The following PIGO variants were observed in gnomAD, a reference collection of about 807,000 sequenced individuals.
PIGO encodes GPI ethanolamine phosphate transferase 3, catalytic subunit.
Under a neutral mutation model 86.9 loss-of-function variants are expected in PIGO, and 66 were observed. The ratio of observed to expected loss-of-function variants is 0.76; its 90% CI spans 0.62 to 0.93. The LOEUF (loss-of-function observed/expected upper bound fraction) is 0.93. Among genes scored for constraint, PIGO ranks in the 40% least tolerant of loss-of-function variants. The probability of loss-of-function intolerance (pLI) is 0.00; values close to 1 mark genes in which losing one functional copy is unlikely to be tolerated. For synonymous variants in PIGO, 570 were observed against 556.4 expected, an observed-to-expected ratio of 1.02 and a Z score of -0.34; for missense variants, 1,202 against 1,359.1, an observed-to-expected ratio of 0.88 and a Z score of 1.82.
chr9:35,093,425 G>GA lies in PIGO; in HGVS notation c.934_935insT (p.Pro312LeufsTer11). On this transcript the variant is annotated frameshift_variant, in exon 5 of 11. Transcript: ENST00000378617. LOFTEE classifies it high-confidence loss of function. Reference sequence around the variant, plus strand: ...GAGGAACATCCCAGGCCTCACCTCTGGTGGGGTGCTGGGGAAGACTGCTGT... The same window carrying GA: ...GAGGAACATCCCAGGCCTCACCTCTGAGTGGGGTGCTGGGGAAGACTGCTGT... 1 of 1,614,128 alleles carries GA rather than the reference G, an allele frequency of 6.2e-7. No homozygotes were observed. Among genetic ancestry groups the GA allele is most frequent in the Non-Finnish European group, 8.5e-7 (1 of 1,180,014 alleles).
Position 35,091,895 on chromosome 9 carries a change from TCGA to T in PIGO, c.1989_1991del (p.Arg664del). ...AAGCTCCATACCACAAATTCTTGGC[TCGA>T]CCACCCACCATGGATGCCAGAGGAC... On this transcript the variant is annotated inframe_deletion, in exon 7 of 11. Transcript: ENST00000378617. The T allele has an allele frequency of 6.2e-7, 1 of 1,614,144 alleles. No homozygotes were observed. The highest frequency in any genetic ancestry group is 1.1e-5 in the South Asian group (1 of 91,088).
Position 35,088,963 on chromosome 9 carries a change from C to T in PIGO, c.*129G>A, listed in dbSNP as rs144078170. On this transcript the variant is annotated 3_prime_UTR_variant, in exon 11 of 11. Coordinates refer to ENST00000378617, the MANE Select transcript of PIGO (RefSeq NM_032634.4). Reference sequence around the variant, plus strand: ...AGAATAATGAAGTCCTAGATGTCAGCGGCCCCTGGCTGCATGATAGTAAGA... The same window carrying T: ...AGAATAATGAAGTCCTAGATGTCAGTGGCCCCTGGCTGCATGATAGTAAGA... The T allele has an allele frequency of 9.7e-5, 123 of 1,274,544 alleles. 3 individuals carry two copies. The East Asian group carries it at 1.7e-3, about 17-fold the overall frequency. 79.0% of individuals were successfully genotyped at this position (1,274,544 alleles called of 1,614,324 possible).
Position 35,091,475 on chromosome 9 carries a change from C to T in PIGO, c.2412G>A (p.Met804Ile). Residue 804 changes from methionine to isoleucine, a missense_variant, in exon 7 of 11, where the codon ATG becomes ATA. By Grantham distance (10) the Met-to-Ile change is conservative (BLOSUM62 1). Transcript: ENST00000378617. ...CTAACCGGCCCCGGAACTCCTCCTG[C>T]ATGTGTCGGTAGATTTGAGGGACCA... ...DYVVPQIYRHMQEEFRGRLER... is the reference protein window; with the variant it reads ...DYVVPQIYRHIQEEFRGRLER... The T allele has an allele frequency of 6.2e-7, 1 of 1,614,216 alleles. No homozygotes were observed. Among genetic ancestry groups the T allele is most frequent in the Non-Finnish European group, 8.5e-7 (1 of 1,180,032 alleles).
chr9:35,096,034 G>C (rs963276819), intron 1 of PIGO, 121 bp downstream of exon 1: 2 of 158,906 alleles, frequency 1.3e-5, no homozygotes, highest in African/African-American at 2.4e-5. Context: ...TACTGAATCA[G>C]GATCTTCGAG....
rs1389827121 is a variant in PIGO, at chr9:35,089,467, G to A, written c.3070-17C>T. On this transcript the variant is annotated splice_polypyrimidine_tract_variant and intron_variant, in intron 9 of 10. Coordinates refer to ENST00000378617, the MANE Select transcript of PIGO (RefSeq NM_032634.4). Reference sequence around the variant, plus strand: ...GGCCAGAATCTAGAGGAGGAGAGGAGGGGCCACGTTACTTGTGAAGGAGAG... The same window carrying A: ...GGCCAGAATCTAGAGGAGGAGAGGAAGGGCCACGTTACTTGTGAAGGAGAG... The A allele has an allele frequency of 6.2e-7, 1 of 1,614,008 alleles. No homozygotes were observed. The highest frequency in any genetic ancestry group is 1.3e-5 in the African/African-American group (1 of 74,940).
chr9:35,093,878 C>T (rs1472546318), intron 4 of PIGO, 23 bp downstream of exon 4: 2 of 1,611,474 alleles, frequency 1.2e-6, no homozygotes, highest in East Asian at 2.2e-5. Flanking sequence ...AACCCACTCC[C>T]CCAGCCAATA....
At chr9:35,089,914 A>T (rs1829334886) in intron 9 of PIGO, 152 bp downstream of exon 9, 3 of 1,436,628 alleles carry the variant, frequency 2.1e-6, no homozygotes, top group Non-Finnish European at 2.8e-6. Flanking sequence ...TTCAAGTCTC[A>T]GAACTGCCAT....
At position 35,093,073 on chromosome 9, in the gene PIGO, G is replaced by C; in HGVS notation, c.1076C>G (p.Ser359Cys). 1 of 1,614,022 alleles carries C rather than the reference G, an allele frequency of 6.2e-7. No individual in the cohort carries two copies. Among genetic ancestry groups the C allele is most frequent in the Non-Finnish European group, 8.5e-7 (1 of 1,179,862 alleles). ...SGGEDSQPHS[S>C]ALAQASALHL... is the part of the protein sequence containing the mutation. ...GAGAGCTGAGGCTTGGGCTAAAGCAGAGGAGTGGGGCTGGGAGTCCTCACC... is the reference window on the plus strand; with the variant it reads ...GAGAGCTGAGGCTTGGGCTAAAGCACAGGAGTGGGGCTGGGAGTCCTCACC... Residue 359 changes from serine to cysteine, a missense_variant, in exon 6 of 11, where the codon TCT becomes TGT. By Grantham distance (112) the Ser-to-Cys change is moderately radical. Coordinates refer to ENST00000378617, the MANE Select transcript of PIGO (RefSeq NM_032634.4).
chr9:35,094,335 T>C lies in PIGO; in HGVS notation c.536A>G (p.Asp179Gly), dbSNP rs1587174448. The change falls in exon 3 of 11, where the codon GAT becomes GGT. Residue 179 changes from aspartate (D) to glycine (G), a missense_variant. Transcript: ENST00000378617. The part of the protein sequence containing the change: ...SAGRRVVFMG[D>G]DTWKDLFPGA... ...AGGGAAAAGGTCTTTCCAGGTATCATCTCCCATGAAGACTACACGCCTTCC... is the reference window on the plus strand; with the variant it reads ...AGGGAAAAGGTCTTTCCAGGTATCACCTCCCATGAAGACTACACGCCTTCC... The C allele has an allele frequency of 6.2e-7, 1 of 1,605,764 alleles. No individual in the cohort carries two copies. The highest frequency in any genetic ancestry group is 8.5e-7 in the Non-Finnish European group (1 of 1,177,918).
Position 35,091,273 on chromosome 9 carries a change from G to A in PIGO, c.2614C>T (p.Leu872=). ...LFLQSFLLLH[L]LAAGIPVTTP... ...GTGACGGGTATCCCAGCAGCAAGCA[G>A]ATGTAGGAGAAGGAAGCTCTGCAGA... Residue 872 remains leucine, a synonymous_variant, in exon 7 of 11, where the codon CTG becomes TTG. Coordinates refer to ENST00000378617, the MANE Select transcript of PIGO (RefSeq NM_032634.4). The A allele has an allele frequency of 6.2e-7, 1 of 1,609,418 alleles. No individual in the cohort carries two copies. Among genetic ancestry groups the A allele is most frequent in the Non-Finnish European group, 8.5e-7 (1 of 1,177,176 alleles).
Position 35,088,845 on chromosome 9 carries a change from T to G in PIGO, c.*247A>C. Reference sequence around the variant, plus strand: ...TAGGTGCAAGTCACCACGCCCGGCCTATTTTATTCCACTTCGGAGACCGCC... The same window carrying G: ...TAGGTGCAAGTCACCACGCCCGGCCGATTTTATTCCACTTCGGAGACCGCC... On this transcript the variant is annotated 3_prime_UTR_variant, in exon 11 of 11. Transcript: ENST00000378617. 1 of 443,042 alleles carries G rather than the reference T, an allele frequency of 2.3e-6. No individual in the cohort carries two copies. The highest frequency in any genetic ancestry group is 4.0e-6 in the Non-Finnish European group (1 of 248,788). The allele number at this position is 443,042 out of a possible 1,614,324, so 27.4% of individuals were successfully genotyped here.
rs1829596847 is a variant in PIGO, at chr9:35,094,967, C to T, written c.511+88G>A. On this transcript the variant is annotated intron_variant, in intron 2 of 10. Transcript: ENST00000378617. ...CCCTACACCATAATCAAGTGTGCAT[C>T]TGGGCACCCAAAGGTCTGACTCCCT... 29 of 1,490,666 alleles carry T rather than the reference C, an allele frequency of 1.9e-5. 1 individual carries two copies. In the South Asian group the frequency reaches 3.9e-4, roughly 20 times the overall value. 92.3% of individuals were successfully genotyped at this position (1,490,666 alleles called of 1,614,324 possible). A position where few individuals can be genotyped will look rare whatever the true frequency, so the allele number is the denominator to read the frequency against.
rs1829400777 is a variant in PIGO, at chr9:35,091,239, C to G, written c.2647+1G>C. The G allele has an allele frequency of 6.3e-7, 1 of 1,583,060 alleles. No individual in the cohort carries two copies. Among genetic ancestry groups the G allele is most frequent in the South Asian group, 1.2e-5 (1 of 85,396 alleles). On this transcript the variant is annotated splice_donor_variant, in intron 7 of 10. Coordinates refer to ENST00000378617, the MANE Select transcript of PIGO (RefSeq NM_032634.4). LOFTEE classifies it high-confidence loss of function. ...AAGTGAATCAGAGCTGAGATATTTA[C>G]CAGGGGTGGTGACGGGTATCCCAGC...
At chr9:35,089,496 G>A (rs570710751) in intron 9 of PIGO, 46 bp from the exon 10 acceptor site, 1 of 1,613,138 alleles carries the variant, frequency 6.2e-7, no homozygotes, top group Admixed American at 1.7e-5. Flanking sequence ...AGGAGAGGAG[G>A]AAGCGGAGCA....
Position 35,093,224 on chromosome 9 carries a change from C to T in PIGO, c.940-15G>A, listed in dbSNP as rs765918562. The T allele has an allele frequency of 6.9e-6, 11 of 1,599,800 alleles. No homozygotes were observed. The highest frequency in any genetic ancestry group is 6.8e-6 in the Non-Finnish European group (8 of 1,169,130). Reference sequence around the variant, plus strand: ...ACCTCTGGCTCCTAAAGGAAAATGACAGTGGTCAACAGATTCATCACAAAG... The same window carrying T: ...ACCTCTGGCTCCTAAAGGAAAATGATAGTGGTCAACAGATTCATCACAAAG... On this transcript the variant is annotated splice_polypyrimidine_tract_variant and intron_variant, in intron 5 of 10. Coordinates refer to ENST00000378617, the MANE Select transcript of PIGO (RefSeq NM_032634.4).
chr9:35,093,778 C>T, intron 4 of PIGO, 123 bp downstream of exon 4: 2 of 1,494,740 alleles, frequency 1.3e-6, no homozygotes, highest in Non-Finnish European at 9.0e-7. Context: ...ATGGATGGAG[C>T]CTCTAGCTTC....
rs2240116 is a variant in PIGO at position 35,094,376 on chromosome 9, G to A, written c.512-17C>T. On this transcript the variant is annotated splice_polypyrimidine_tract_variant and intron_variant, in intron 2 of 10. Transcript: ENST00000378617. ...CACGCCTTCCTGCAGGGACATGAAA[G>A]AGAAGTCAGAGCCTGAGCAAACGTC... The A allele has an allele frequency of 0.06, 95,418 of 1,594,534 alleles. 5,463 individuals carry two copies. Among genetic ancestry groups the A allele is most frequent in the East Asian group, 0.34 (15,261 of 44,448 alleles).
intron 6 of PIGO, 78 bp downstream of exon 6, chr9:35,092,952 G>A: frequency 6.7e-7 from 1 of 1,496,036 alleles, no homozygotes; most frequent in Non-Finnish European, 9.0e-7. Context: ...ACTAGTCAAA[G>A]GACAAAAGAG....
rs916863227 is a variant in PIGO, at chr9:35,091,714, C to T, written c.2173G>A (p.Ala725Thr). The T allele has an allele frequency of 1.2e-6, 2 of 1,611,888 alleles. No individual in the cohort carries two copies. The highest frequency in any genetic ancestry group is 2.7e-5 in the African/African-American group (2 of 74,900). Residue 725 changes from alanine (A) to threonine (T), a missense_variant, in exon 7 of 11, where the codon GCA becomes ACA. Ala to Thr is a moderately conservative substitution (Grantham distance 58). Coordinates refer to ENST00000378617, the MANE Select transcript of PIGO (RefSeq NM_032634.4). Reference protein sequence around the residue: ...TAAYWALASGADEAPPRLRVL... With the variant: ...TAAYWALASGTDEAPPRLRVL... The stretch of plus-strand genomic sequence containing the variant: ...CGGAGACGGGGGGGAGCCTCATCTG[C>T]CCCCGACGCCAATGCCCAGTAGGCA...
Sources: gnomAD v4.1 joint callset for allele counts on GRCh38, gnomAD v4.1.1 for gene constraint, MANE v1.5 for transcripts, NCBI Gene and HGNC (gene_info 2026-07-23, HGNC 2026-07-21) for gene names.